FHIT: variants seen among roughly 807,000 people sequenced by gnomAD.
FHIT encodes fragile histidine triad diadenosine triphosphatase.
Under a neutral mutation model 17.9 loss-of-function variants are expected in FHIT, and 19 were observed. The ratio of observed to expected loss-of-function variants is 1.06; its 90% CI spans 0.74 to 1.56. The LOEUF is 1.56. Ranked by LOEUF, FHIT falls within the 40% of genes most tolerant of loss-of-function variation. The probability of loss-of-function intolerance (pLI) is 0.00; values close to 1 mark genes in which losing one functional copy is unlikely to be tolerated. For missense variants in FHIT, 248 were observed against 189.2 expected (o/e 1.31, Z -1.82); for synonymous variants, 81 against 69.7 (o/e 1.16, Z -0.81).
At position 59,980,244 on chromosome 3, in the gene FHIT, T is replaced by C. The variant is rs1042607362; in HGVS notation, c.279+31127A>G. Among the ~76,000 whole-genome samples, 4 of 152,164 alleles carry C rather than the reference T, an allele frequency of 2.6e-5. No individual in the cohort carries two copies. The South Asian group carries it at 8.3e-4, about 32-fold the overall frequency. ...CATTGGCATGAATGTTAATTCCTCA[T>C]CTCTGCCAACTGTAAGGCAGATACT... On this transcript the variant is annotated intron_variant, in intron 7 of 9. Coordinates refer to ENST00000492590, the MANE Select transcript of FHIT (RefSeq NM_002012.4).
chr3:60,004,993 G>A (rs1356229446), intron 7 of FHIT, among the ~76,000 whole-genome samples: 1 of 152,106 alleles, frequency 6.6e-6, no homozygotes, highest in Non-Finnish European at 1.5e-5. Flanking sequence ...GAATGAATGT[G>A]GGGGAGCTCA....
chr3:60,868,986 A>C (rs1478051131), intron 3 of FHIT, among the ~76,000 whole-genome samples: 3 of 152,228 alleles, frequency 2.0e-5, no homozygotes, highest in East Asian at 1.9e-4. Flanking sequence ...TTAATACTGT[A>C]GTATAGCCTG....
intron 2 of FHIT, among the ~76,000 whole-genome samples, chr3:61,128,070 C>A (rs2036661422): frequency 6.6e-6 from 1 of 152,132 alleles, no homozygotes; most frequent in African/African-American, 2.4e-5. Context: ...ATTTATTGAA[C>A]ACTTTCTACA....
chr3:59,769,953 C>T (rs1266650434), intron 8 of FHIT, among the ~76,000 whole-genome samples: 1 of 152,144 alleles, frequency 6.6e-6, no homozygotes, highest in African/African-American at 2.4e-5. Flanking sequence ...TTCTGATGGT[C>T]AAATGACAGA....
At chr3:59,822,195 T>A (rs1002125852) in intron 8 of FHIT, among the ~76,000 whole-genome samples, 12 of 152,256 alleles carry the variant, frequency 7.9e-5, no homozygotes, top group Non-Finnish European at 7.3e-5. Flanking sequence ...TATCCACTTG[T>A]TGACTGATGG....
chr3:61,211,708 T>C (rs1183142927), intron 1 of FHIT, among the ~76,000 whole-genome samples: 1 of 152,216 alleles, frequency 6.6e-6, no homozygotes, highest in Non-Finnish European at 1.5e-5. Context: ...CCTCCTCAAG[T>C]AGGTCCCTGA....
chr3:60,185,225 C>T (rs926531607), intron 5 of FHIT, among the ~76,000 whole-genome samples: 4 of 151,912 alleles, frequency 2.6e-5, no homozygotes, highest in South Asian at 2.1e-4. Context: ...CCATTTACAG[C>T]GTCAAATTGA....
chr3:59,853,894 G>A (rs1702042526), intron 8 of FHIT, among the ~76,000 whole-genome samples: 1 of 152,160 alleles, frequency 6.6e-6, no homozygotes, highest in South Asian at 2.1e-4. Context: ...AAGCATGGAA[G>A]TCATGGAATC....
intron 8 of FHIT, among the ~76,000 whole-genome samples, chr3:59,753,198 C>T (rs1466638518): frequency 6.6e-6 from 1 of 152,050 alleles, no homozygotes; most frequent in African/African-American, 2.4e-5. Flanking sequence ...GATAATGACA[C>T]AAGGGCCATG....
At chr3:60,290,114 T>G (rs1351310030) in intron 5 of FHIT, among the ~76,000 whole-genome samples, 1 of 152,178 alleles carries the variant, frequency 6.6e-6, no homozygotes, top group Non-Finnish European at 1.5e-5. Flanking sequence ...CCTCTTATGC[T>G]TCAGCATTCC....
chr3:60,959,475 CAT>C (rs547571482), intron 3 of FHIT, among the ~76,000 whole-genome samples: 20 of 152,258 alleles, frequency 1.3e-4, no homozygotes, highest in Admixed American at 3.9e-4. Context: ...TGGACAAAAA[CAT>C]ATTATATGTG....
At chr3:61,079,394 T>C (rs1401533542) in intron 2 of FHIT, among the ~76,000 whole-genome samples, 1 of 152,114 alleles carries the variant, frequency 6.6e-6, no homozygotes, top group African/African-American at 2.4e-5. Flanking sequence ...AAAATTTGGA[T>C]ACCAGTCTGT....
At chr3:61,010,254 T>A (rs1575832997) in intron 3 of FHIT, among the ~76,000 whole-genome samples, 1 of 151,878 alleles carries the variant, frequency 6.6e-6, no homozygotes, top group South Asian at 2.1e-4. Context: ...GGATCTGGGG[T>A]GATCTTATAT....
chr3:60,558,406 A>G (rs1263026154), intron 4 of FHIT, among the ~76,000 whole-genome samples: 3 of 151,698 alleles, frequency 2.0e-5, no homozygotes, highest in Non-Finnish European at 4.4e-5. Context: ...CTCTGATGTC[A>G]TGGGTGAACC....
At chr3:60,711,089 C>T (rs1220682900) in intron 4 of FHIT, among the ~76,000 whole-genome samples, 2 of 152,200 alleles carry the variant, frequency 1.3e-5, no homozygotes, top group Non-Finnish European at 2.9e-5. Flanking sequence ...TCCAGAGGAA[C>T]TATCAGACAG....
At chr3:60,737,143 AG>A (rs1553712818) in intron 4 of FHIT, among the ~76,000 whole-genome samples, 2 of 152,214 alleles carry the variant, frequency 1.3e-5, no homozygotes, top group African/African-American at 4.8e-5. Context: ...CAGCCTGGCC[AG>A]GAATATTATT....
intron 5 of FHIT, among the ~76,000 whole-genome samples, chr3:60,405,981 C>T (rs148015280): frequency 1.8e-3 from 272 of 152,230 alleles, no homozygotes; most frequent in African/African-American, 6.3e-3. Flanking sequence ...CTTAAGATAA[C>T]AAATGTAAAA....
At chr3:60,942,476 A>C in intron 3 of FHIT, among the ~76,000 whole-genome samples, 1 of 152,196 alleles carries the variant, frequency 6.6e-6, no homozygotes, top group South Asian at 2.1e-4. Flanking sequence ...TAAAGAAGTT[A>C]TTCATGGTAT....
At chr3:59,751,545 T>G (rs1032842441) in intron 9 of FHIT, 2 of 217,104 alleles carry the variant, frequency 9.2e-6, no homozygotes, top group African/African-American at 4.5e-5. Context: ...GCATAAAAAT[T>G]TGGAGTAGAA....
Sources: allele counts gnomAD v4.1 joint callset (sites outside exome capture counted in the v4.1 genomes callset), GRCh38; gene constraint gnomAD v4.1.1; transcripts MANE v1.5; gene names NCBI Gene and HGNC (gene_info 2026-07-23, HGNC 2026-07-21).